The following ATP12A variants were observed in gnomAD, a reference collection of about 807,000 sequenced individuals.
ATP12A encodes potassium-transporting ATPase alpha chain 2.
In ATP12A, 81 loss-of-function variants were observed where a neutral mutation model predicts 111.2. The ratio of observed to expected loss-of-function variants is 0.73; its 90% CI spans 0.61 to 0.88. The LOEUF (loss-of-function observed/expected upper bound fraction) is 0.88. ATP12A is among the 40% of genes least tolerant of loss of function. The pLI is 0.00. For synonymous variants in ATP12A, 498 were observed against 499.8 expected, an observed-to-expected ratio of 1.00 and a Z score of 0.05; for missense variants, 1,196 against 1,313.1, an observed-to-expected ratio of 0.91 and a Z score of 1.38.
At chr13:24,688,193 A>C in intron 3 of ATP12A, 126 bp from the exon 4 acceptor site, 2 of 1,030,738 alleles carry the variant, frequency 1.9e-6, no homozygotes, top group Non-Finnish European at 1.4e-6. Flanking sequence ...TTTTCTCGGG[A>C]CCTTCTTTGG....
At chr13:24,681,836 G>A (rs1231938067) in intron 2 of ATP12A, 116 bp downstream of exon 2, 61 of 1,359,690 alleles carry the variant, frequency 4.5e-5, no homozygotes, top group Non-Finnish European at 6.0e-5. Flanking sequence ...AAATCCCCTT[G>A]AGATTGTGTG....
intron 14 of ATP12A, 67 bp from the exon 15 acceptor site, chr13:24,706,246 G>A: frequency 6.3e-7 from 1 of 1,574,972 alleles, no homozygotes; most frequent in Non-Finnish European, 8.6e-7. Context: ...CCAGCATCCT[G>A]CCTGGAACAG....
intron 11 of ATP12A, among the ~76,000 whole-genome samples, chr13:24,695,624 T>TTTTC (rs1875120743): frequency 8.4e-6 from 1 of 119,220 alleles, no homozygotes; most frequent in South Asian, 2.8e-4. Context: ...TTTTTTTTTT[T>TTTTC]GAGAAGGAGT....
chr13:24,692,637 A>G lies in ATP12A; in HGVS notation c.1267+10A>G, dbSNP rs777177127. The G allele has an allele frequency of 1.2e-6, 2 of 1,609,674 alleles. No homozygotes were observed. Among genetic ancestry groups the G allele is most frequent in the Non-Finnish European group, 1.7e-6 (2 of 1,176,524 alleles). Reference sequence around the variant, plus strand: ...AGTGAGGACCATTCAAGTAAGTCTTATGGAGAGCTCGGTCTGGCCAAAGCT... The same window carrying G: ...AGTGAGGACCATTCAAGTAAGTCTTGTGGAGAGCTCGGTCTGGCCAAAGCT... On this transcript the variant is annotated intron_variant, in intron 9 of 22. Transcript: ENST00000381946.
intron 17 of ATP12A, among the ~76,000 whole-genome samples, chr13:24,708,946 A>AAAGAAAGAAAGGAAGGAAGG (rs1555255697): frequency 0.029 from 2,931 of 100,232 alleles, 101 homozygotes; most frequent in Non-Finnish European, 0.044. Context: ...AGAAAGAAAG[A>AAAGAAAGAAAGGAAGGAAGG]AAGAAAGAAA....
At chr13:24,709,293 A>ACCCC in intron 17 of ATP12A, 71 bp from the exon 18 acceptor site, 1 of 87,372 alleles carries the variant, frequency 1.1e-5, no homozygotes, top group African/African-American at 1.5e-4. Flanking sequence ...CACCCACCCC[A>ACCCC]GCCCCCCTCC....
At chr13:24,698,537 G>A (rs1318186481) in intron 11 of ATP12A, 121 bp from the exon 12 acceptor site, 1 of 1,133,438 alleles carries the variant, frequency 8.8e-7, no homozygotes, top group South Asian at 1.6e-5. Flanking sequence ...GAAAGAAAAA[G>A]GGCGGAACAT....
rs1432574423 is a variant in ATP12A at position 24,686,460 on chromosome 13, G to T, written c.228+1087G>T. 6.0e-5 allele frequency among the ~76,000 whole-genome samples: 8 copies of T among 133,268 alleles called. No homozygotes were observed. In the East Asian group the frequency reaches 1.2e-3, roughly 19 times the overall value. The allele number at this position is 133,268 out of a possible 152,430, so 87.4% of individuals were successfully genotyped here. On this transcript the variant is annotated intron_variant, in intron 3 of 22. Coordinates refer to ENST00000381946, the MANE Select transcript of ATP12A (RefSeq NM_001676.7). ...CATCTCAAAAAAAAAAAAAAAAAGGGCCGGGCGTGGTGGCTCACGCCTGTA... is the reference window on the plus strand; with the variant it reads ...CATCTCAAAAAAAAAAAAAAAAAGGTCCGGGCGTGGTGGCTCACGCCTGTA...
At position 24,689,466 on chromosome 13, in the gene ATP12A, G is replaced by C. The variant is rs963833897; in HGVS notation, c.546+91G>C. On this transcript the variant is annotated intron_variant, in intron 5 of 22. Coordinates refer to ENST00000381946, the MANE Select transcript of ATP12A (RefSeq NM_001676.7). ...GGGCACAGGGCCCTGAGGGCTACGG[G>C]TTTCCACTTCCTTCCCTGTCGGAGC... 7.3e-6 allele frequency: 8 copies of C among 1,096,966 alleles called. No homozygotes were observed. The African/African-American group carries it at 9.4e-5, about 13-fold the overall frequency. The allele number at this position is 1,096,966 out of a possible 1,614,324, so 68.0% of individuals were successfully genotyped here.
intron 12 of ATP12A, among the ~76,000 whole-genome samples, 183 bp downstream of exon 12, chr13:24,699,033 G>A (rs1173051201): frequency 6.6e-6 from 1 of 152,182 alleles, no homozygotes; most frequent in African/African-American, 2.4e-5. Context: ...AGGGTGGGAT[G>A]GCCTCCAGAG....
Position 24,700,891 on chromosome 13 carries a change from C to T in ATP12A, c.1850C>T (p.Ala617Val), listed in dbSNP as rs1485189328. ...IDPPRSTVPD[A>V]VTKCRSAGIK... ...CCCCCTCGGTCCACCGTGCCAGATGCAGTCACCAAATGCCGGAGTGCAGGG... is the reference window on the plus strand; with the variant it reads ...CCCCCTCGGTCCACCGTGCCAGATGTAGTCACCAAATGCCGGAGTGCAGGG... Residue 617 changes from alanine to valine, a missense_variant, in exon 13 of 23, where the codon GCA becomes GTA. Coordinates refer to ENST00000381946, the MANE Select transcript of ATP12A (RefSeq NM_001676.7). The T allele has an allele frequency of 6.2e-7, 1 of 1,614,174 alleles. No homozygotes were observed. The highest frequency in any genetic ancestry group is 1.1e-5 in the South Asian group (1 of 91,072).
intron 2 of ATP12A, 69 bp downstream of exon 2, chr13:24,681,789 C>T: frequency 1.9e-6 from 3 of 1,559,482 alleles, no homozygotes; most frequent in Non-Finnish European, 2.6e-6. Flanking sequence ...CCCCTAGAAC[C>T]CACCTCTTAC....
chr13:24,690,675 C>G lies in ATP12A; in HGVS notation c.753C>G (p.Pro251=). ...CCTCTGAGTTTACCCATGAAAACCC[C>G]CTGGAAACAAAGAACATCTGCTTCT... ...PRSSEFTHEN[P]LETKNICFYS... Residue 251 remains proline, a synonymous_variant, in exon 7 of 23, where the codon CCC becomes CCG. Coordinates refer to ENST00000381946, the MANE Select transcript of ATP12A (RefSeq NM_001676.7). The G allele has an allele frequency of 6.2e-7, 1 of 1,613,978 alleles. No individual in the cohort carries two copies. Among genetic ancestry groups the G allele is most frequent in the Non-Finnish European group, 8.5e-7 (1 of 1,179,980 alleles).
intron 11 of ATP12A, among the ~76,000 whole-genome samples, chr13:24,696,728 A>AAAG (rs56044152): frequency 0.27 from 14,705 of 55,032 alleles, 3,477 homozygotes; most frequent in East Asian, 0.59. Context: ...CAAAAAAAAA[A>AAAG]AAAAAAAAAA....
At chr13:24,683,541 TGTATTGATC>T (rs1175180867) in intron 2 of ATP12A, among the ~76,000 whole-genome samples, 5 of 152,212 alleles carry the variant, frequency 3.3e-5, no homozygotes, top group Non-Finnish European at 7.3e-5. Context: ...ATCCGAGCTT[TGTATTGATC>T]GTTCCTGGAG....
At chr13:24,686,947 G>A (rs910784471) in intron 3 of ATP12A, among the ~76,000 whole-genome samples, 1 of 152,002 alleles carries the variant, frequency 6.6e-6, no homozygotes, top group African/African-American at 2.4e-5. Context: ...GGAGGGTGGA[G>A]GCGATGATGA....
chr13:24,683,618 G>C (rs1463597170), intron 2 of ATP12A, among the ~76,000 whole-genome samples: 1 of 152,136 alleles, frequency 6.6e-6, no homozygotes, highest in Non-Finnish European at 1.5e-5. Context: ...TATCATGAGA[G>C]ACATTTAAGA....
chr13:24,680,697 C>T lies in ATP12A; in HGVS notation c.-47C>T, dbSNP rs1436429316. On this transcript the variant is annotated 5_prime_UTR_variant, in exon 1 of 23. Transcript: ENST00000381946. Reference sequence around the variant, plus strand: ...CACCGTGCGCTCCGCCGCTGCGGTCCCGGATCCGCGCTCCACGCCCGCAGC... The same window carrying T: ...CACCGTGCGCTCCGCCGCTGCGGTCTCGGATCCGCGCTCCACGCCCGCAGC... 3 of 1,501,422 alleles carry T rather than the reference C, an allele frequency of 2.0e-6. No homozygotes were observed. The highest frequency in any genetic ancestry group is 2.6e-6 in the Non-Finnish European group (3 of 1,132,544). The allele number at this position is 1,501,422 out of a possible 1,614,324, so 93.0% of individuals were successfully genotyped here. A position where few individuals can be genotyped will look rare whatever the true frequency, so the allele number is the denominator to read the frequency against.
chr13:24,704,028 C>A (rs1337724716), intron 14 of ATP12A, among the ~76,000 whole-genome samples: 2 of 148,294 alleles, frequency 1.3e-5, no homozygotes, highest in Admixed American at 1.3e-4. Flanking sequence ...TGGAGTCTTT[C>A]TCTGTTGCCT....
Sources: allele counts gnomAD v4.1 joint callset (sites outside exome capture counted in the v4.1 genomes callset), GRCh38; gene constraint gnomAD v4.1.1; transcripts MANE v1.5; gene names NCBI Gene and HGNC (gene_info 2026-07-23, HGNC 2026-07-21).